CDK17: variants seen among roughly 807,000 people sequenced by gnomAD.
CDK17 encodes the protein cyclin dependent kinase 17.
A neutral mutation model predicts 77.6 loss-of-function variants in CDK17; 24 were observed. That is an observed-to-expected ratio of 0.31 (90% CI 0.22 to 0.44). The LOEUF (loss-of-function observed/expected upper bound fraction) is 0.44, where lower values mean the gene tolerates loss of function less well. CDK17 is among the 20% of genes least tolerant of loss of function. The pLI is 1.00. For missense variants in CDK17, 429 were observed against 622.5 expected, an observed-to-expected ratio of 0.69 and a Z score of 3.31; for synonymous variants, 203 against 210.4, an observed-to-expected ratio of 0.96 and a Z score of 0.30.
rs78155623 is a variant in CDK17, at chr12:96,348,341, A to G, written c.-29-13476T>C. Among the ~76,000 whole-genome samples, 7 of 152,192 alleles carry G rather than the reference A, an allele frequency of 4.6e-5. No individual in the cohort carries two copies. The East Asian group carries it at 5.8e-4, about 13-fold the overall frequency. On this transcript the variant is annotated intron_variant, in intron 1 of 16. Coordinates refer to ENST00000261211, the MANE Select transcript of CDK17 (RefSeq NM_002595.5). ...GGAGTTTGAGACCAGCCTAGCCAAC[A>G]TGGTGAAACCCCATCTCTACTAAAA...
chr12:96,386,796 A>G (rs1953983822), intron 1 of CDK17: 1 of 153,314 alleles, frequency 6.5e-6, no homozygotes, highest in African/African-American at 2.4e-5. Context: ...AATATCTCAA[A>G]TCACATATTA....
At chr12:96,323,317 G>A (rs7134060) in intron 3 of CDK17, among the ~76,000 whole-genome samples, 54,935 of 150,918 alleles carry the variant, frequency 0.36, 10,772 homozygotes, top group South Asian at 0.49. Flanking sequence ...TTAGCCAGGC[G>A]TAGCGGCATG....
intron 1 of CDK17, among the ~76,000 whole-genome samples, chr12:96,369,823 G>A (rs552458297): frequency 1.4e-5 from 2 of 148,116 alleles, no homozygotes; most frequent in Non-Finnish European, 3.1e-5. Context: ...GCTCACGCCT[G>A]TAATCCCAGC....
intron 1 of CDK17, among the ~76,000 whole-genome samples, chr12:96,380,472 A>G (rs1810805280): frequency 6.6e-6 from 1 of 151,944 alleles, no homozygotes; most frequent in Admixed American, 6.6e-5. Context: ...TATTTTTAGT[A>G]GAGAGACGGG....
intron 3 of CDK17, among the ~76,000 whole-genome samples, chr12:96,314,023 T>C (rs1273054278): frequency 2.0e-5 from 3 of 152,154 alleles, no homozygotes; most frequent in African/African-American, 7.2e-5. Flanking sequence ...TCACTGAATA[T>C]CTATTTTGTA....
intron 3 of CDK17, among the ~76,000 whole-genome samples, chr12:96,318,157 T>TTTAG (rs1288937305): frequency 6.7e-6 from 1 of 149,866 alleles, no homozygotes; most frequent in Non-Finnish European, 1.5e-5. Context: ...TCCTAGTCTC[T>TTTAG]GATAAAACAG....
At chr12:96,336,505 T>C (rs575568048) in intron 1 of CDK17, among the ~76,000 whole-genome samples, 112 of 152,252 alleles carry the variant, frequency 7.4e-4, no homozygotes, top group Middle Eastern at 3.4e-3. Flanking sequence ...TCCACTAAAA[T>C]AAAAATACCA....
chr12:96,380,931 C>T (rs1247672989), intron 1 of CDK17, among the ~76,000 whole-genome samples: 2 of 151,972 alleles, frequency 1.3e-5, no homozygotes, highest in Non-Finnish European at 2.9e-5. Context: ...GTTCTTTTAT[C>T]CTACCTAGGA....
chr12:96,398,788 T>G (rs7968046), intron 1 of CDK17, among the ~76,000 whole-genome samples: 69,223 of 151,980 alleles, frequency 0.46, 16,795 homozygotes, highest in African/African-American at 0.62. Flanking sequence ...CTCTTCTGTA[T>G]CTTGAAAGTG....
At chr12:96,324,584 T>C (rs1231543898) in intron 2 of CDK17, among the ~76,000 whole-genome samples, 3 of 152,004 alleles carry the variant, frequency 2.0e-5, no homozygotes, top group Non-Finnish European at 4.4e-5. Flanking sequence ...CTGATCAATA[T>C]GGTGAAACTC....
chr12:96,372,655 C>A lies in CDK17; in HGVS notation c.-30+27331G>T, dbSNP rs180861236. Among the ~76,000 whole-genome samples, 652 of 152,244 alleles carry A rather than the reference C, an allele frequency of 4.3e-3. 8 individuals carry two copies. Among genetic ancestry groups the A allele is most frequent in the Middle Eastern group, 6.8e-3 (2 of 294 alleles). ...TAATCAACTGAAAAAAAATACTCCA[C>A]AGCCACTTTTTTTCAGAGGTTTTCA... is the stretch of plus-strand genomic sequence containing the variant. On this transcript the variant is annotated intron_variant, in intron 1 of 16. Coordinates refer to ENST00000261211, the MANE Select transcript of CDK17 (RefSeq NM_002595.5).
intron 1 of CDK17, among the ~76,000 whole-genome samples, chr12:96,392,579 T>C (rs1954086917): frequency 6.6e-6 from 1 of 152,098 alleles, no homozygotes; most frequent in South Asian, 2.1e-4. Flanking sequence ...TAAGGGGAAA[T>C]GAGCATAACA....
At chr12:96,381,540 A>G (rs189074291) in intron 1 of CDK17, among the ~76,000 whole-genome samples, 3 of 152,250 alleles carry the variant, frequency 2.0e-5, no homozygotes, top group East Asian at 3.9e-4. Flanking sequence ...GTGAGCTGAA[A>G]GGATCATCCG....
Position 96,400,057 on chromosome 12 carries a change from C to A in CDK17, c.-101G>T, listed in dbSNP as rs773084691. Reference sequence around the variant, plus strand: ...GCGGGGGGAAGCTGCTCCGCGGACGCCCGCGGCGACCGGATGCAAGTCCGG... The same window carrying A: ...GCGGGGGGAAGCTGCTCCGCGGACGACCGCGGCGACCGGATGCAAGTCCGG... On this transcript the variant is annotated 5_prime_UTR_variant, in exon 1 of 17. Transcript: ENST00000261211. 88 of 388,340 alleles carry A rather than the reference C, an allele frequency of 2.3e-4. No homozygotes were observed. The highest frequency in any genetic ancestry group is 5.4e-4 in the Admixed American group (12 of 22,380). The allele number at this position is 388,340 out of a possible 1,614,324, so 24.1% of individuals were successfully genotyped here.
chr12:96,347,910 G>C (rs1312442442), intron 1 of CDK17, among the ~76,000 whole-genome samples: 9 of 152,134 alleles, frequency 5.9e-5, no homozygotes, highest in African/African-American at 2.2e-4. Flanking sequence ...CGGAAAATTT[G>C]TGCATATGTG....
intron 4 of CDK17, among the ~76,000 whole-genome samples, chr12:96,311,821 A>G (rs1395352132): frequency 2.0e-5 from 3 of 152,082 alleles, no homozygotes; most frequent in Non-Finnish European, 4.4e-5. Flanking sequence ...TGGTAAGAAT[A>G]AGTAAGGAGA....
At chr12:96,380,712 T>C (rs1186955667) in intron 1 of CDK17, among the ~76,000 whole-genome samples, 1 of 152,208 alleles carries the variant, frequency 6.6e-6, no homozygotes, top group Non-Finnish European at 1.5e-5. Context: ...ACTTTCCCAA[T>C]GGCTTCACTA....
In CDK17 at chr12:96,332,040, C is replaced by T. The variant is rs565369121; in HGVS notation, c.118+2679G>A. 8.7e-4 allele frequency among the ~76,000 whole-genome samples: 132 copies of T among 152,276 alleles called. 3 individuals carry two copies. The South Asian group carries it at 9.7e-3, about 11-fold the overall frequency. On this transcript the variant is annotated intron_variant, in intron 2 of 16. Transcript: ENST00000261211. ...CTAGTGATGCCAGTGATGCCACACCCGCTGTAACATAGTAGCACAATGCAT... is the reference window on the plus strand; with the variant it reads ...CTAGTGATGCCAGTGATGCCACACCTGCTGTAACATAGTAGCACAATGCAT...
Position 96,311,104 on chromosome 12 carries a change from T to C in CDK17, c.491A>G (p.Asn164Ser). 1 of 1,602,788 alleles carries C rather than the reference T, an allele frequency of 6.2e-7. No individual in the cohort carries two copies. Among genetic ancestry groups the C allele is most frequent in the Non-Finnish European group, 8.5e-7 (1 of 1,176,856 alleles). Reference protein sequence around the residue: ...PDGYLEKLQINSPPFDQPMSR... With the variant: ...PDGYLEKLQISSPPFDQPMSR... ...CATTGGTTGGTCAAATGGTGGACTG[T>C]TTATCTGCAACTTTTCAAGATATCC... Residue 164 changes from asparagine to serine, a missense_variant, in exon 5 of 17, where the codon AAC (asparagine) becomes AGC (serine). Asn to Ser is a conservative substitution (Grantham distance 46). Coordinates refer to ENST00000261211, the MANE Select transcript of CDK17 (RefSeq NM_002595.5).
Sources: allele counts gnomAD v4.1 joint callset (sites outside exome capture counted in the v4.1 genomes callset), GRCh38; gene constraint gnomAD v4.1.1; transcripts MANE v1.5; gene names NCBI Gene and HGNC (gene_info 2026-07-23, HGNC 2026-07-21).